Variants in PCNX2 observed in about 807,000 individuals in gnomAD.
PCNX2 encodes pecanex-like protein 2.
Under a neutral mutation model 223.8 loss-of-function variants are expected in PCNX2, and 168 were observed. That is an observed-to-expected ratio of 0.75 (90% CI 0.66 to 0.85). The LOEUF is 0.85. Ranked by LOEUF, PCNX2 falls within the 40% of genes least tolerant of loss-of-function variation. The pLI, the probability that PCNX2 is intolerant of heterozygous loss-of-function variation, is 0.00. For synonymous variants in PCNX2, 1,006 were observed against 1,052.6 expected (o/e 0.96, Z 0.86); for missense variants, 2,507 against 2,675.5 (o/e 0.94, Z 1.39).
chr1:233,032,900 T>A, intron 25 of PCNX2: 4 of 823,748 alleles, frequency 4.9e-6, no homozygotes, highest in Non-Finnish European at 5.9e-6. Context: ...AGTGAAAGAG[T>A]CACACTCAGG....
intron 9 of PCNX2, among the ~76,000 whole-genome samples, chr1:233,235,955 A>ATATATATATATATAT (rs1553319628): frequency 1.4e-4 from 6 of 41,476 alleles, no homozygotes; most frequent in African/African-American, 4.0e-4. Flanking sequence ...ATCATAAAAA[A>ATATATATATATATAT]AAATATATAT....
chr1:233,257,511 A>G (rs578059282), intron 5 of PCNX2, among the ~76,000 whole-genome samples: 1 of 152,234 alleles, frequency 6.6e-6, no homozygotes, highest in African/African-American at 2.4e-5. Flanking sequence ...TCGTTAATAC[A>G]TGCAAAGTGC....
intron 8 of PCNX2, among the ~76,000 whole-genome samples, chr1:233,249,394 C>T (rs1256898014): frequency 6.6e-6 from 1 of 152,210 alleles, no homozygotes; most frequent in African/African-American, 2.4e-5. Context: ...CGTTCTCATG[C>T]AATTACATAT....
chr1:233,208,380 G>T, intron 13 of PCNX2, 138 bp downstream of exon 13: 2 of 918,804 alleles, frequency 2.2e-6, no homozygotes, highest in Non-Finnish European at 3.2e-6. Flanking sequence ...GACAGTCTTC[G>T]GTAGATATGC....
intron 10 of PCNX2, among the ~76,000 whole-genome samples, chr1:233,224,155 T>C (rs1657556914): frequency 1.3e-5 from 2 of 152,214 alleles, no homozygotes; most frequent in South Asian, 2.1e-4. Context: ...GAATGAAATG[T>C]TGAAATAATG....
chr1:233,214,890 C>T (rs897787243), intron 12 of PCNX2, among the ~76,000 whole-genome samples: 3 of 152,134 alleles, frequency 2.0e-5, no homozygotes, highest in Non-Finnish European at 4.4e-5. Flanking sequence ...CAGTGTTATG[C>T]AAAAACTTTA....
At chr1:233,178,148 C>T (rs963726159) in intron 16 of PCNX2, among the ~76,000 whole-genome samples, 1 of 152,210 alleles carries the variant, frequency 6.6e-6, no homozygotes, top group African/African-American at 2.4e-5. Flanking sequence ...AGCAGTGGGA[C>T]ATGGGGAAGG....
At chr1:233,287,488 G>C (rs1405184864) in intron 1 of PCNX2, among the ~76,000 whole-genome samples, 2 of 152,180 alleles carry the variant, frequency 1.3e-5, no homozygotes, top group African/African-American at 4.8e-5. Context: ...AGTCTCATGA[G>C]ATCTGGTGGT....
At position 232,998,440 on chromosome 1, in the gene PCNX2, T is replaced by C; in HGVS notation, c.5604-2A>G. 6.2e-7 allele frequency: 1 copy of C among 1,610,866 alleles called. No homozygotes were observed. ...CGGGCATTGCAATCCTTCCGCATCC[T>C]GTGGGAGGGAGAAGTCCTTTGAGGA... On this transcript the variant is annotated splice_acceptor_variant, in intron 31 of 33. Transcript: ENST00000258229. LOFTEE classifies it high-confidence loss of function.
chr1:233,318,655 C>T, the PCNX2 span, among the ~76,000 whole-genome samples: 2 of 151,234 alleles, frequency 1.3e-5, no homozygotes, highest in African/African-American at 2.4e-5. Context: ...CCTCCGCCCC[C>T]GCCCAGGTTC....
Position 233,177,887 on chromosome 1 carries a change from T to C in PCNX2, c.3188A>G (p.Gln1063Arg), listed in dbSNP as rs750213050. ...TAAAAATTTAGGAAACAGCCTGCAT[T>C]GGATGAAGGACCTGAAAGTGGAAAA... ...SDPSVLMSFIQCRLFPKFLHQ... is the reference protein window; with the variant it reads ...SDPSVLMSFIRCRLFPKFLHQ... Residue 1063 changes from glutamine to arginine, a missense_variant, in exon 17 of 34, where the codon CAA becomes CGA. By Grantham distance (43) the Gln-to-Arg change is conservative. Coordinates refer to ENST00000258229, the MANE Select transcript of PCNX2 (RefSeq NM_014801.4). 9 of 1,613,778 alleles carry C rather than the reference T, an allele frequency of 5.6e-6. No individual in the cohort carries two copies. In the East Asian group the frequency reaches 2.0e-4, roughly 36 times the overall value.
chr1:233,084,680 G>A (rs1673516131), intron 23 of PCNX2, among the ~76,000 whole-genome samples: 1 of 152,192 alleles, frequency 6.6e-6, no homozygotes, highest in African/African-American at 2.4e-5. Context: ...CATGTATCAT[G>A]TAATTTCTGG....
rs1681335789 is a variant in PCNX2 at position 233,204,576 on chromosome 1, T to C, written c.2863+3942A>G. 3.9e-5 allele frequency among the ~76,000 whole-genome samples: 6 copies of C among 152,204 alleles called. No individual in the cohort carries two copies. The South Asian group carries it at 1.2e-3, about 32-fold the overall frequency. On this transcript the variant is annotated intron_variant, in intron 13 of 33. Transcript: ENST00000258229. ...TTGAGGGAATAGACAGTGAATAAGT[T>C]CCACAAGGAAGAAATGACTTTAAGT...
intron 8 of PCNX2, among the ~76,000 whole-genome samples, chr1:233,243,632 C>T (rs1019693281): frequency 1.3e-5 from 2 of 152,110 alleles, no homozygotes; most frequent in African/African-American, 4.8e-5. Flanking sequence ...CCAAAAGTCT[C>T]TTTTGTTATA....
intron 27 of PCNX2, among the ~76,000 whole-genome samples, chr1:233,015,700 T>A (rs1670631321): frequency 6.6e-6 from 1 of 151,270 alleles, no homozygotes. Context: ...CTCAAAAAAA[T>A]AAAAAAATAA....
At chr1:233,045,046 C>T (rs984970872) in intron 25 of PCNX2, among the ~76,000 whole-genome samples, 2 of 152,094 alleles carry the variant, frequency 1.3e-5, no homozygotes, top group African/African-American at 4.8e-5. Flanking sequence ...GTGCCATGGA[C>T]CTTGATCATT....
the PCNX2 span, among the ~76,000 whole-genome samples, chr1:233,323,692 T>A: frequency 6.6e-6 from 1 of 152,242 alleles, no homozygotes; most frequent in African/African-American, 2.4e-5. Context: ...ATAAATGTGA[T>A]AAATGGCTGG....
chr1:233,311,519 A>C, the PCNX2 span, among the ~76,000 whole-genome samples: 1 of 152,216 alleles, frequency 6.6e-6, no homozygotes, highest in Non-Finnish European at 1.5e-5. Flanking sequence ...TCAAAGCAGA[A>C]CACCAAAGCT....
At chr1:233,112,719 TAAC>T in intron 21 of PCNX2, 33 of 687,626 alleles carry the variant, frequency 4.8e-5, no homozygotes, top group South Asian at 3.6e-4. Flanking sequence ...TTGAACAATA[TAAC>T]TAAATTCACA....
Sources: allele counts gnomAD v4.1 joint callset (sites outside exome capture counted in the v4.1 genomes callset), GRCh38; gene constraint gnomAD v4.1.1; transcripts MANE v1.5; gene names NCBI Gene and HGNC (gene_info 2026-07-23, HGNC 2026-07-21).